Variants in KLHDC4 observed in about 807,000 individuals in gnomAD.
KLHDC4 encodes kelch domain containing 4.
KLHDC4 carries 90 observed loss-of-function variants against 62.4 expected under a neutral mutation model. The observed-to-expected ratio is 1.44, with a 90% confidence interval of 1.22 to 1.72. The LOEUF is 1.72. Among genes scored for constraint, KLHDC4 ranks in the 40% most tolerant of loss-of-function variants. The pLI, the probability that KLHDC4 is intolerant of heterozygous loss-of-function variation, is 0.00. For missense variants in KLHDC4, 1,025 were observed against 699.7 expected (o/e 1.47, Z -5.25); for synonymous variants, 386 against 284.4 (o/e 1.36, Z -3.59).
At chr16:87,732,365 G>A (rs1159343598) in intron 5 of KLHDC4, among the ~76,000 whole-genome samples, 3 of 151,942 alleles carry the variant, frequency 2.0e-5, no homozygotes, top group Non-Finnish European at 4.4e-5. Flanking sequence ...CAAAGTGCTG[G>A]GATTACAGGC....
At chr16:87,729,949 ATTTTT>A (rs771300630) in intron 6 of KLHDC4, among the ~76,000 whole-genome samples, 3 of 152,040 alleles carry the variant, frequency 2.0e-5, no homozygotes, top group Non-Finnish European at 4.4e-5. Flanking sequence ...ATCCCATTTT[ATTTTT>A]TTATTTATTT....
chr16:87,729,901 G>C (rs1245379064), intron 6 of KLHDC4, among the ~76,000 whole-genome samples: 1 of 152,210 alleles, frequency 6.6e-6, no homozygotes, highest in African/African-American at 2.4e-5. Flanking sequence ...ACTCTAACCA[G>C]CCCTCTAGGG....
intron 7 of KLHDC4, among the ~76,000 whole-genome samples, chr16:87,723,848 T>C (rs1051510695): frequency 1.3e-5 from 2 of 152,132 alleles, no homozygotes; most frequent in African/African-American, 4.8e-5. Flanking sequence ...TTCTTTTTTC[T>C]TTTTTTTGAG....
intron 5 of KLHDC4, among the ~76,000 whole-genome samples, chr16:87,739,307 G>A (rs2041875018): frequency 8.0e-6 from 1 of 124,762 alleles, no homozygotes; most frequent in Non-Finnish European, 1.7e-5. Context: ...CCACACACCA[G>A]CACCTCATCC....
chr16:87,705,196 C>T (rs561612671), downstream of KLHDC4, among the ~76,000 whole-genome samples: 1 of 152,328 alleles, frequency 6.6e-6, no homozygotes, highest in Admixed American at 6.5e-5. Context: ...GCCAGCAGCT[C>T]CCGGGAGACA....
intron 4 of KLHDC4, chr16:87,750,533 G>A (rs1403952357): frequency 1.3e-5 from 2 of 152,236 alleles, no homozygotes; most frequent in Non-Finnish European, 2.9e-5. Flanking sequence ...ATTTCCTCTC[G>A]TTTCAAGGTA....
Position 87,748,661 on chromosome 16 carries a change from C to G in KLHDC4, c.506+12G>C, listed in dbSNP as rs200937019. On this transcript the variant is annotated intron_variant, in intron 5 of 11. Transcript: ENST00000270583. ...CCATGCCCGGAGCTCAGCTTCTCATCTGGCTTCTTACTTGACTTGTTCCCA... is the reference window on the plus strand; with the variant it reads ...CCATGCCCGGAGCTCAGCTTCTCATGTGGCTTCTTACTTGACTTGTTCCCA... 1,910 of 1,613,656 alleles carry G rather than the reference C, an allele frequency of 1.2e-3. 4 individuals are homozygous for G. Among genetic ancestry groups the G allele is most frequent in the Non-Finnish European group, 1.2e-3 (1,415 of 1,179,904 alleles).
downstream of KLHDC4, among the ~76,000 whole-genome samples, chr16:87,704,095 C>A (rs973047233): frequency 6.6e-6 from 1 of 152,216 alleles, no homozygotes; most frequent in Non-Finnish European, 1.5e-5. Flanking sequence ...CACCATCCCC[C>A]GCTCCTTCTG....
At chr16:87,762,630 T>C (rs1026564462) in intron 1 of KLHDC4, among the ~76,000 whole-genome samples, 6 of 152,242 alleles carry the variant, frequency 3.9e-5, no homozygotes, top group African/African-American at 1.4e-4. Flanking sequence ...AAACACTGCC[T>C]GCACAGCAAG....
downstream of KLHDC4, among the ~76,000 whole-genome samples, chr16:87,706,760 C>T (rs2142893671): frequency 1.3e-5 from 2 of 152,314 alleles, no homozygotes; most frequent in South Asian, 4.1e-4. Context: ...CAAGAGCTGG[C>T]CGAGTGCCCC....
chr16:87,705,847 C>T (rs1018629681), downstream of KLHDC4, among the ~76,000 whole-genome samples: 3 of 152,194 alleles, frequency 2.0e-5, no homozygotes, highest in Non-Finnish European at 2.9e-5. Context: ...CAACCCTGTC[C>T]GAGCCTCTTC....
At chr16:87,739,113 TCA>T (rs2041845012) in intron 5 of KLHDC4, among the ~76,000 whole-genome samples, 2 of 72,794 alleles carry the variant, frequency 2.7e-5, no homozygotes, top group Non-Finnish European at 5.6e-5. Flanking sequence ...CACCAGCACC[TCA>T]TCCATCCACA....
chr16:87,738,130 C>G (rs1201155350), intron 5 of KLHDC4, among the ~76,000 whole-genome samples: 4 of 152,176 alleles, frequency 2.6e-5, no homozygotes, highest in African/African-American at 4.8e-5. Flanking sequence ...TGTGTCCATT[C>G]CTATGGTGAC....
intron 1 of KLHDC4, 119 bp from the exon 2 acceptor site, chr16:87,762,159 T>A: frequency 6.6e-7 from 1 of 1,512,456 alleles, no homozygotes; most frequent in East Asian, 2.3e-5. Flanking sequence ...ATCTGTGAAT[T>A]GCAACATACT....
At chr16:87,753,623 A>C (rs988433373) in intron 4 of KLHDC4, among the ~76,000 whole-genome samples, 4 of 151,012 alleles carry the variant, frequency 2.6e-5, no homozygotes, top group Middle Eastern at 6.8e-3. Context: ...AACATGGTGA[A>C]ACCCCGTCTC....
intron 5 of KLHDC4, among the ~76,000 whole-genome samples, chr16:87,743,864 A>C (rs2042620944): frequency 6.6e-6 from 1 of 152,250 alleles, no homozygotes; most frequent in Non-Finnish European, 1.5e-5. Context: ...AAATAAAAAA[A>C]CCAAATGGAG....
intron 5 of KLHDC4, among the ~76,000 whole-genome samples, chr16:87,736,183 G>C (rs74718648): frequency 3.3e-5 from 5 of 152,262 alleles, no homozygotes; most frequent in East Asian, 3.9e-4. Context: ...ACTGACGGGA[G>C]AGCCCAATGC....
intron 8 of KLHDC4, among the ~76,000 whole-genome samples, chr16:87,713,486 C>T (rs1414625163): frequency 6.6e-6 from 1 of 152,204 alleles, no homozygotes; most frequent in Non-Finnish European, 1.5e-5. Flanking sequence ...GTATGAGCCA[C>T]TGCGCCCAGC....
chr16:87,719,076 G>GC, intron 7 of KLHDC4, among the ~76,000 whole-genome samples: 1 of 150,724 alleles, frequency 6.6e-6, no homozygotes, highest in East Asian at 2.0e-4. Flanking sequence ...CCGGCCAGCC[G>GC]CCCCGTCTGG....
Sources: allele counts gnomAD v4.1 joint callset (sites outside exome capture counted in the v4.1 genomes callset), GRCh38; gene constraint gnomAD v4.1.1; transcripts MANE v1.5; gene names NCBI Gene and HGNC (gene_info 2026-07-23, HGNC 2026-07-21).